The following ETS1 variants were observed in gnomAD, a reference collection of about 807,000 sequenced individuals.
The protein encoded by ETS1 is protein C-ets-1.
In ETS1, 15 loss-of-function variants were observed where a neutral mutation model predicts 58.6. The observed-to-expected ratio is 0.26, with a 90% CI of 0.17 to 0.39. ETS1 has a LOEUF of 0.39. ETS1 is among the 10% of genes least tolerant of loss of function. The pLI is 1.00. For missense variants in ETS1, 417 were observed against 610.5 expected (o/e 0.68, Z 3.34); for synonymous variants, 214 against 218.2 (o/e 0.98, Z 0.17).
chr11:128,576,846 T>C (rs1864761116), intron 1 of ETS1, among the ~76,000 whole-genome samples: 1 of 152,098 alleles, frequency 6.6e-6, no homozygotes, highest in Non-Finnish European at 1.5e-5. Context: ...ACCCTCAAGA[T>C]GAGTGAACCC....
At chr11:128,560,919 A>G (rs1864395674) in intron 2 of ETS1, among the ~76,000 whole-genome samples, 1 of 151,988 alleles carries the variant, frequency 6.6e-6, no homozygotes, top group Non-Finnish European at 1.5e-5. Context: ...AACTGTTAAG[A>G]TTGAGTAAGA....
rs2135558517 is a variant in ETS1 at position 128,557,191 on chromosome 11, C to T, written c.70-756G>A. ...GCCTGGGCCTGTTCCTTAATCCAAACCTTAGTTCATGCAATTGTAAAATGA... is the reference window on the plus strand; with the variant it reads ...GCCTGGGCCTGTTCCTTAATCCAAATCTTAGTTCATGCAATTGTAAAATGA... On this transcript the variant is annotated intron_variant, in intron 2 of 9. Transcript: ENST00000392668. Among the ~76,000 whole-genome samples, 3 of 152,282 alleles carry T rather than the reference C, an allele frequency of 2.0e-5. 1 individual carries two copies. Among genetic ancestry groups the T allele is most frequent in the Admixed American group, 1.3e-4 (2 of 15,296 alleles).
intron 8 of ETS1, among the ~76,000 whole-genome samples, chr11:128,478,346 GA>G (rs1398655337): frequency 1.6e-5 from 1 of 64,168 alleles, no homozygotes; most frequent in Admixed American, 1.8e-4. Flanking sequence ...AAGGAGGAAG[GA>G]AGGAGGAAGG....
At chr11:128,567,906 T>G (rs955612868) in intron 2 of ETS1, among the ~76,000 whole-genome samples, 2 of 152,194 alleles carry the variant, frequency 1.3e-5, no homozygotes, top group Non-Finnish European at 2.9e-5. Context: ...AGTGCTGGGA[T>G]TACAGGTGTG....
intron 3 of ETS1, among the ~76,000 whole-genome samples, chr11:128,499,287 T>C (rs1863024364): frequency 6.6e-6 from 1 of 152,156 alleles, no homozygotes; most frequent in South Asian, 2.1e-4. Flanking sequence ...CAGATGCTGA[T>C]GAATTGGGCT....
chr11:128,485,692 C>A (rs1305190710), intron 6 of ETS1, among the ~76,000 whole-genome samples: 2 of 152,174 alleles, frequency 1.3e-5, no homozygotes, highest in Non-Finnish European at 2.9e-5. Context: ...ATGCTGTTAT[C>A]TCCACTAGTA....
rs1307091022 is a variant in ETS1 at position 128,480,280 on chromosome 11, T to A, written c.1034A>T (p.Lys345Met). 1.2e-6 allele frequency: 2 copies of A among 1,614,078 alleles called. No homozygotes were observed. Among genetic ancestry groups the A allele is most frequent in the South Asian group, 2.2e-5 (2 of 91,080 alleles). Residue 345 changes from lysine to methionine, a missense_variant, in exon 8 of 10, where the codon AAG (lysine) becomes ATG (methionine). Physicochemically the swap from Lys to Met is moderately conservative, Grantham distance 95. Around this residue, in one of 4 missense-constraint regions of ETS1, gnomAD observed 139 missense variants for 152.1 expected, o/e 0.91. Coordinates refer to ENST00000392668, the MANE Select transcript of ETS1 (RefSeq NM_001143820.2). ...CCGCACATAGTCCTTGAAGGTGCCC[T>A]TGGGCTTGTGGTTGGGCAGGGCAGC... ...YPAALPNHKP[K>M]GTFKDYVRDR...
chr11:128,585,524 A>G (rs1419977485), intron 1 of ETS1, among the ~76,000 whole-genome samples: 2 of 152,216 alleles, frequency 1.3e-5, no homozygotes, highest in Non-Finnish European at 2.9e-5. Context: ...TATCAGTAAG[A>G]AATTCACCAG....
chr11:128,545,283 G>A (rs1685803998), intron 3 of ETS1, among the ~76,000 whole-genome samples: 1 of 152,164 alleles, frequency 6.6e-6, no homozygotes, highest in Non-Finnish European at 1.5e-5. Context: ...TCTGCTTTGT[G>A]GGAAAGCTGG....
chr11:128,572,298 T>C (rs1864653295), intron 2 of ETS1: 1 of 151,858 alleles, frequency 6.6e-6, no homozygotes, highest in Non-Finnish European at 1.5e-5. Context: ...AAAATAAACT[T>C]ATCTGTCCGT....
intron 2 of ETS1, chr11:128,571,862 G>C (rs1864641943): frequency 6.6e-6 from 1 of 152,152 alleles, no homozygotes; most frequent in Non-Finnish European, 1.5e-5. Flanking sequence ...GGCCAACATG[G>C]TGAAACTCTG....
At position 128,536,438 on chromosome 11, in the gene ETS1, G is replaced by A. The variant is rs189946631; in HGVS notation, c.214+19853C>T. 3.4e-3 allele frequency: 517 copies of A among 152,304 alleles called. 2 individuals are homozygous for A. Among genetic ancestry groups the A allele is most frequent in the African/African-American group, 0.011 (475 of 41,574 alleles). 9.4% of individuals were successfully genotyped at this position (152,304 alleles called of 1,614,324 possible). ...ATAGTCAATATAATTTATTCAAATA[G>A]TAAGAAGAGAAGAAATATGTATCAT... On this transcript the variant is annotated intron_variant, in intron 3 of 9. Transcript: ENST00000392668.
intron 7 of ETS1, among the ~76,000 whole-genome samples, chr11:128,481,584 A>T (rs1862487289): frequency 1.3e-5 from 2 of 152,236 alleles, no homozygotes; most frequent in Admixed American, 1.3e-4. Context: ...ACAGGCCAAA[A>T]GGCAAAGGGA....
At chr11:128,578,646 T>C (rs1864800490) in intron 1 of ETS1, among the ~76,000 whole-genome samples, 1 of 152,124 alleles carries the variant, frequency 6.6e-6, no homozygotes, top group Admixed American at 6.5e-5. Flanking sequence ...CTTCTGGGTA[T>C]TTTTTAATCT....
chr11:128,484,839 C>A lies in ETS1; in HGVS notation c.846G>T (p.Met282Ile). The A allele has an allele frequency of 6.2e-7, 1 of 1,614,000 alleles. No homozygotes were observed. Among genetic ancestry groups the A allele is most frequent in the African/African-American group, 1.3e-5 (1 of 75,042 alleles). Residue 282 changes from methionine to isoleucine, a missense_variant, in exon 7 of 10, where the codon ATG (methionine) becomes ATT (isoleucine). By Grantham distance (10) the Met-to-Ile change is conservative (BLOSUM62 1). Transcript: ENST00000392668. ...ATGACCTACCACGACTGGTCCTCCC[C>A]ATGCACATGTTGTCTGGGGTGACGA... Reference protein sequence around the residue: ...QEVVTPDNMCMGRTSRGKLGG... With the variant: ...QEVVTPDNMCIGRTSRGKLGG...
chr11:128,554,068 C>T (rs956230790), intron 3 of ETS1, among the ~76,000 whole-genome samples: 11 of 152,208 alleles, frequency 7.2e-5, no homozygotes, highest in Non-Finnish European at 1.3e-4. Context: ...CCACAATCCC[C>T]GTCCAAACAA....
At chr11:128,521,514 A>G (rs758405664) in intron 3 of ETS1, among the ~76,000 whole-genome samples, 8 of 152,140 alleles carry the variant, frequency 5.3e-5, no homozygotes, top group Non-Finnish European at 1.2e-4. Flanking sequence ...CCTCAGTTCT[A>G]TGGGGGACGT....
Position 128,484,833 on chromosome 11 carries a change from C to A in ETS1, c.852G>T (p.Arg284Ser). ...VVTPDNMCMG[R>S]TSRGKLGGQD... ...AGAAATATGACCTACCACGACTGGT[C>A]CTCCCCATGCACATGTTGTCTGGGG... Residue 284 changes from arginine to serine, a missense_variant, in exon 7 of 10, where the codon AGG (arginine) becomes AGT (serine). Arg to Ser is a moderately radical substitution (Grantham distance 110). Coordinates refer to ENST00000392668, the MANE Select transcript of ETS1 (RefSeq NM_001143820.2). 1 of 1,613,748 alleles carries A rather than the reference C, an allele frequency of 6.2e-7. No homozygotes were observed. The highest frequency in any genetic ancestry group is 1.1e-5 in the South Asian group (1 of 91,028).
At chr11:128,514,263 C>G (rs928918813) in intron 3 of ETS1, among the ~76,000 whole-genome samples, 5 of 152,060 alleles carry the variant, frequency 3.3e-5, no homozygotes, top group Non-Finnish European at 7.4e-5. Flanking sequence ...AAAAAAGTTA[C>G]CTATCTCATA....
Sources: allele counts gnomAD v4.1 joint callset (sites outside exome capture counted in the v4.1 genomes callset), GRCh38; gene constraint gnomAD v4.1.1; regional missense constraint gnomAD v4.1.1; transcripts MANE v1.5; gene names NCBI Gene and HGNC (gene_info 2026-07-23, HGNC 2026-07-21).